DIAPH2: variants seen among roughly 807,000 people sequenced by gnomAD.
The protein encoded by DIAPH2 is protein diaphanous homolog 2.
DIAPH2 carries 35 observed loss-of-function variants against 92.7 expected under a neutral mutation model. That is an observed-to-expected ratio of 0.38 (90% confidence interval 0.29 to 0.50). DIAPH2 has a LOEUF of 0.50. Among genes scored for constraint, DIAPH2 ranks in the 20% least tolerant of loss-of-function variants. The pLI, the probability that DIAPH2 is intolerant of heterozygous loss-of-function variation, is 0.94. For synonymous variants in DIAPH2, 301 were observed against 280.4 expected (o/e 1.07, Z -0.73); for missense variants, 701 against 819.5 (o/e 0.86, Z 1.77).
At chrX:96,930,348 G>A (rs1038706388) in intron 9 of DIAPH2, among the ~76,000 whole-genome samples, 3 of 110,783 alleles carry the variant, frequency 2.7e-5, no homozygotes, top group African/African-American at 9.8e-5. Context: ...TTTTAGAAGT[G>A]TTTATAACCC....
At chrX:97,128,733 C>T (rs2067110445) in intron 21 of DIAPH2, among the ~76,000 whole-genome samples, 2 of 112,340 alleles carry the variant, frequency 1.8e-5, no homozygotes, top group South Asian at 3.7e-4. Flanking sequence ...ACCATGGTTT[C>T]GCCTTCTTCT....
Position 96,942,035 on chromosome X carries a change from T to C in DIAPH2, c.1343T>C (p.Ile448Thr). ...CTTTTCAGGCCACAATATTATAAAA[T>C]AATTGAGGAATGTGTTTCACAGATA... ...DYYIRPQYYKIIEECVSQIVL... is the reference protein window; with the variant it reads ...DYYIRPQYYKTIEECVSQIVL... Residue 448 changes from isoleucine (I) to threonine (T), a missense_variant, in exon 13 of 27, where the codon ATA becomes ACA. Around this residue, in one of 3 missense-constraint regions of DIAPH2, gnomAD observed 536 missense variants for 599.3 expected, o/e 0.89. Transcript: ENST00000324765. The C allele has an allele frequency of 1.7e-6, 2 of 1,167,165 alleles. No individual in the cohort carries two copies. Among genetic ancestry groups the C allele is most frequent in the Non-Finnish European group, 2.3e-6 (2 of 857,103 alleles).
chrX:97,341,198 G>A (rs1221263373), intron 23 of DIAPH2: 1 of 108,033 alleles, frequency 9.3e-6, no homozygotes, highest in African/African-American at 3.4e-5. Context: ...TTCAGTAACG[G>A]GGGACCACTA....
At chrX:96,744,187 T>C (rs2064136045) in intron 3 of DIAPH2, among the ~76,000 whole-genome samples, 1 of 112,300 alleles carries the variant, frequency 8.9e-6, no homozygotes, top group Admixed American at 9.4e-5. Context: ...AGTGAACAAA[T>C]TATTTTATGA....
At chrX:96,723,386 T>C (rs761945120) in intron 1 of DIAPH2, among the ~76,000 whole-genome samples, 122 of 111,957 alleles carry the variant, frequency 1.1e-3, no homozygotes, top group African/African-American at 3.8e-3. Context: ...AAGTCTTATG[T>C]TGAAATAAGT....
intron 4 of DIAPH2, among the ~76,000 whole-genome samples, chrX:96,822,301 A>C (rs1319079226): frequency 9.0e-6 from 1 of 111,731 alleles, no homozygotes; most frequent in Non-Finnish European, 1.9e-5. Context: ...TAGTGGATTT[A>C]GTTCCCTGAA....
intron 23 of DIAPH2, among the ~76,000 whole-genome samples, chrX:97,327,791 G>A (rs1189336648): frequency 8.9e-6 from 1 of 111,835 alleles, no homozygotes; most frequent in Non-Finnish European, 1.9e-5. Context: ...GGCCAGGCTG[G>A]TCTCAAACTC....
At chrX:97,417,511 T>C (rs1169789648) in intron 25 of DIAPH2, among the ~76,000 whole-genome samples, 1 of 110,513 alleles carries the variant, frequency 9.0e-6, no homozygotes, top group Non-Finnish European at 1.9e-5. Context: ...CCATCTCTGC[T>C]AAAAATACAA....
At chrX:97,550,346 C>T (rs1051390984) in intron 26 of DIAPH2, among the ~76,000 whole-genome samples, 24 of 111,806 alleles carry the variant, frequency 2.1e-4, no homozygotes, top group Admixed American at 5.7e-4. Flanking sequence ...GCAACAAGAG[C>T]GAAACTCTGT....
intron 23 of DIAPH2, among the ~76,000 whole-genome samples, chrX:97,265,779 G>T (rs1278258612): frequency 8.9e-6 from 1 of 111,866 alleles, no homozygotes; most frequent in South Asian, 3.8e-4. Context: ...GTAGGTCCTT[G>T]TTGGCCAGGA....
In DIAPH2 at chrX:97,187,281, C is replaced by CTTT. The variant is rs763781923; in HGVS notation, c.2719+45508_2719+45510dup. On this transcript the variant is annotated intron_variant, in intron 22 of 26. Coordinates refer to ENST00000324765, the MANE Select transcript of DIAPH2 (RefSeq NM_006729.5). The stretch of plus-strand genomic sequence containing the variant: ...AGGGATTGAAGACTAATTAAGTAGC[C>CTTT]TTTTTTTTTTTTTTTTTTTTTTTGC... Among the ~76,000 whole-genome samples the CTTT allele has an allele frequency of 7.0e-4, 26 of 36,880 alleles. 2 individuals carry two copies. The highest frequency in any genetic ancestry group is 2.7e-3 in the African/African-American group (26 of 9,668). 32.0% of individuals were successfully genotyped at this position (36,880 alleles called of 115,157 possible). A position where few individuals can be genotyped will look rare whatever the true frequency, so the allele number is the denominator to read the frequency against.
chrX:97,275,420 G>GC (rs778190264), intron 23 of DIAPH2, among the ~76,000 whole-genome samples: 2,135 of 104,533 alleles, frequency 0.02, 28 homozygotes, highest in Non-Finnish European at 0.03. Flanking sequence ...GGCGGGGGCT[G>GC]CCCCCCCTTC....
At chrX:97,469,240 T>G (rs1321051348) in intron 26 of DIAPH2, among the ~76,000 whole-genome samples, 1 of 111,853 alleles carries the variant, frequency 8.9e-6, no homozygotes, top group Non-Finnish European at 1.9e-5. Context: ...GGAAGAAAAA[T>G]AAACTTATGT....
At chrX:97,119,814 A>C (rs891089078) in intron 21 of DIAPH2, among the ~76,000 whole-genome samples, 1 of 111,303 alleles carries the variant, frequency 9.0e-6, no homozygotes, top group African/African-American at 3.3e-5. Context: ...GCAGGTTGTC[A>C]GGAAAGTGGG....
intron 26 of DIAPH2, among the ~76,000 whole-genome samples, chrX:97,579,207 T>A (rs1490758374): frequency 9.2e-6 from 1 of 109,193 alleles, no homozygotes; most frequent in African/African-American, 3.3e-5. Context: ...TGTCTTTTGT[T>A]GCCATTGCTT....
At chrX:97,598,931 T>C (rs2071573275) in intron 26 of DIAPH2, among the ~76,000 whole-genome samples, 1 of 112,355 alleles carries the variant, frequency 8.9e-6, no homozygotes, top group African/African-American at 3.2e-5. Context: ...ATAGATCTTT[T>C]CAATTTAACA....
At chrX:96,809,357 T>A (rs2064656232) in intron 4 of DIAPH2, among the ~76,000 whole-genome samples, 1 of 99,850 alleles carries the variant, frequency 1.0e-5, no homozygotes, top group Non-Finnish European at 2.0e-5. Context: ...AAAAAAAACA[T>A]AACCTGAGAT....
intron 23 of DIAPH2, among the ~76,000 whole-genome samples, chrX:97,254,745 A>G (rs942673469): frequency 2.8e-5 from 3 of 107,246 alleles, no homozygotes; most frequent in African/African-American, 1.0e-4. Context: ...TATTTTTGAG[A>G]CAGAGTCTCG....
At chrX:97,557,470 C>T (rs186713086) in intron 26 of DIAPH2, among the ~76,000 whole-genome samples, 3,270 of 111,474 alleles carry the variant, frequency 0.029, 125 homozygotes, top group African/African-American at 0.1. Context: ...ACCTGGGAGG[C>T]GGAGGTTGCA....
Sources: gnomAD v4.1 joint callset for allele counts (sites outside exome capture counted in the v4.1 genomes callset) on GRCh38, gnomAD v4.1.1 for gene constraint, gnomAD v4.1.1 regional missense constraint, MANE v1.5 for transcripts, NCBI Gene and HGNC (gene_info 2026-07-23, HGNC 2026-07-21) for gene names.